Variants in SHTN1 observed in about 807,000 individuals in gnomAD.
The protein encoded by SHTN1 is shootin-1.
Under a neutral mutation model 83.1 loss-of-function variants are expected in SHTN1, and 42 were observed. The ratio of observed to expected loss-of-function variants is 0.51; its 90% CI spans 0.39 to 0.65. SHTN1 has a LOEUF of 0.65. SHTN1 is among the 30% of genes least tolerant of loss of function. The pLI, the probability that SHTN1 is intolerant of heterozygous loss-of-function variation, is 0.00. For missense variants in SHTN1, 622 were observed against 737.8 expected, an observed-to-expected ratio of 0.84 and a Z score of 1.82; for synonymous variants, 224 against 247.7, an observed-to-expected ratio of 0.90 and a Z score of 0.90.
At chr10:116,981,263 G>A (rs768309955) in intron 1 of SHTN1, among the ~76,000 whole-genome samples, 6 of 152,252 alleles carry the variant, frequency 3.9e-5, no homozygotes, top group Non-Finnish European at 7.4e-5. Flanking sequence ...AGGTTGCAGT[G>A]AGCCAAGAAC....
At chr10:116,949,247 T>C (rs543337187) in intron 6 of SHTN1, among the ~76,000 whole-genome samples, 2 of 152,226 alleles carry the variant, frequency 1.3e-5, no homozygotes, top group South Asian at 2.1e-4. Flanking sequence ...CACCTAAACA[T>C]AACAGTATGC....
chr10:117,057,410 G>T (rs1205362852), intron 1 of SHTN1, among the ~76,000 whole-genome samples: 1 of 152,132 alleles, frequency 6.6e-6, no homozygotes, highest in Non-Finnish European at 1.5e-5. Context: ...TTGGAGAGCT[G>T]GGTTGTAATC....
intron 1 of SHTN1, among the ~76,000 whole-genome samples, chr10:117,054,324 G>T (rs1589913397): frequency 6.6e-6 from 1 of 151,886 alleles, no homozygotes; most frequent in Non-Finnish European, 1.5e-5. Context: ...GGCCATGCAA[G>T]TCATGCCTGT....
chr10:117,098,765 A>ATC (rs1439682774), intron 1 of SHTN1, among the ~76,000 whole-genome samples: 5 of 152,176 alleles, frequency 3.3e-5, no homozygotes, highest in Non-Finnish European at 7.3e-5. Flanking sequence ...TGACATCAGT[A>ATC]TCTACATTCC....
intron 2 of SHTN1, among the ~76,000 whole-genome samples, chr10:117,034,324 A>G (rs1452461900): frequency 6.6e-6 from 1 of 152,110 alleles, no homozygotes; most frequent in African/African-American, 2.4e-5. Flanking sequence ...TTGGTAAATA[A>G]ATTCAGTAAA....
chr10:117,041,748 C>CA (rs1852587339), intron 2 of SHTN1, among the ~76,000 whole-genome samples: 1 of 152,112 alleles, frequency 6.6e-6, no homozygotes, highest in African/African-American at 2.4e-5. Context: ...GCTAGCCCAT[C>CA]ACGTGAAGAG....
intron 9 of SHTN1, among the ~76,000 whole-genome samples, chr10:116,933,743 A>C (rs918818979): frequency 3.9e-5 from 6 of 152,222 alleles, no homozygotes; most frequent in Admixed American, 1.3e-4. Context: ...GAATCACCAC[A>C]CTGTCTTCCA....
intron 2 of SHTN1, among the ~76,000 whole-genome samples, chr10:116,970,123 G>C (rs751380340): frequency 7.2e-5 from 11 of 151,946 alleles, no homozygotes; most frequent in Non-Finnish European, 1.0e-4. Flanking sequence ...CTCACCTATC[G>C]GACTGGCAAA....
intron 1 of SHTN1, among the ~76,000 whole-genome samples, chr10:116,998,475 T>C (rs1317826125): frequency 6.6e-6 from 1 of 152,240 alleles, no homozygotes; most frequent in African/African-American, 2.4e-5. Context: ...TATATTGTTA[T>C]AATTGTTCTA....
chr10:117,052,881 A>C (rs9665549), intron 1 of SHTN1, among the ~76,000 whole-genome samples: 2 of 150,718 alleles, frequency 1.3e-5, no homozygotes, highest in South Asian at 4.2e-4. Flanking sequence ...ATAGCCAGGC[A>C]TGGTGGTGGG....
chr10:117,053,024 A>AAAAAAAAAAAAAAAAG lies in SHTN1; in HGVS notation c.-188-4515_-188-4514insCTTTTTTTTTTTTTTT, dbSNP rs1554934278. 8.6e-4 allele frequency among the ~76,000 whole-genome samples: 44 copies of AAAAAAAAAAAAAAAAG among 51,366 alleles called. 14 individuals are homozygous for AAAAAAAAAAAAAAAAG. In the South Asian group the frequency reaches 9.7e-3, roughly 11 times the overall value. The allele number at this position is 51,366 out of a possible 152,430, so 33.7% of individuals were successfully genotyped here. ...AACAGAGCAAGACTGTGTCTCAAAA[A>AAAAAAAAAAAAAAAAG]AAAAAAGAATTAAGAATTAAGTTGG... On this transcript the variant is annotated intron_variant, in intron 1 of 17. Coordinates refer to the SHTN1 transcript ENST00000392901.
chr10:116,951,672 G>C (rs1484484119), intron 6 of SHTN1, among the ~76,000 whole-genome samples: 1 of 152,202 alleles, frequency 6.6e-6, no homozygotes. Context: ...GGAACAACAG[G>C]AAACATGTCC....
At chr10:117,079,465 T>C (rs1853223733) in intron 1 of SHTN1, among the ~76,000 whole-genome samples, 1 of 98,522 alleles carries the variant, frequency 1.0e-5, no homozygotes, top group East Asian at 2.7e-4. Context: ...GTTCCAAGTC[T>C]TTGCTATTGT....
chr10:117,049,584 G>A lies in SHTN1; in HGVS notation c.-188-1074C>T, dbSNP rs73398148. The stretch of plus-strand genomic sequence containing the variant: ...CCAGCACAATGACTGGTATAGGACC[G>A]CAGTAAATGTTTGTTGAATGAATGA... On this transcript the variant is annotated intron_variant, in intron 1 of 17. Coordinates refer to the SHTN1 transcript ENST00000392901. Among the ~76,000 whole-genome samples, 1,093 of 152,202 alleles carry A rather than the reference G, an allele frequency of 7.2e-3. 16 individuals are homozygous for A. The highest frequency in any genetic ancestry group is 0.024 in the African/African-American group (1,017 of 41,534).
intron 5 of SHTN1, among the ~76,000 whole-genome samples, chr10:116,952,335 A>C (rs1849808324): frequency 6.6e-6 from 1 of 152,212 alleles, no homozygotes; most frequent in Non-Finnish European, 1.5e-5. Context: ...CAGCAAAACA[A>C]ATTAAGGTGT....
chr10:117,099,391 T>A (rs1044476711), intron 1 of SHTN1, among the ~76,000 whole-genome samples: 6 of 151,788 alleles, frequency 4.0e-5, no homozygotes, highest in African/African-American at 1.4e-4. Context: ...AATAAAAAAA[T>A]TTTAAGTATA....
intron 2 of SHTN1, among the ~76,000 whole-genome samples, chr10:117,047,638 G>A (rs761328330): frequency 2.0e-5 from 3 of 151,762 alleles, no homozygotes; most frequent in African/African-American, 4.8e-5. Context: ...AATTAAGGTA[G>A]CCTTCCTTGA....
At chr10:116,904,472 A>G (rs1451478308) in intron 15 of SHTN1, among the ~76,000 whole-genome samples, 1 of 151,152 alleles carries the variant, frequency 6.6e-6, no homozygotes, top group African/African-American at 2.4e-5. Context: ...CTATTAGGAA[A>G]CTCAAAGGAA....
chr10:117,094,370 G>A (rs1051013057), intron 1 of SHTN1, among the ~76,000 whole-genome samples: 14 of 152,126 alleles, frequency 9.2e-5, no homozygotes, highest in Non-Finnish European at 2.1e-4. Flanking sequence ...TTTAATTTCA[G>A]TCCAATCTGT....
Sources: allele counts gnomAD v4.1 joint callset (sites outside exome capture counted in the v4.1 genomes callset), GRCh38; gene constraint gnomAD v4.1.1; transcripts MANE v1.5; gene names NCBI Gene and HGNC (gene_info 2026-07-23, HGNC 2026-07-21).